The following JPH1 variants were observed in gnomAD, a reference collection of about 807,000 sequenced individuals.
The protein encoded by JPH1 is junctophilin-1.
JPH1 carries 12 observed loss-of-function variants against 53.6 expected under a neutral mutation model. That is an observed-to-expected ratio of 0.22 (90% CI 0.14 to 0.36). The LOEUF (loss-of-function observed/expected upper bound fraction) is 0.36. JPH1 is among the 10% of genes least tolerant of loss of function. The pLI, the probability that JPH1 is intolerant of heterozygous loss-of-function variation, is 1.00. For missense variants in JPH1, 808 were observed against 905.5 expected (o/e 0.89, Z 1.38); for synonymous variants, 375 against 363.8 (o/e 1.03, Z -0.35).
At chr8:74,310,420 C>T (rs1807959653) in intron 2 of JPH1, among the ~76,000 whole-genome samples, 1 of 152,088 alleles carries the variant, frequency 6.6e-6, no homozygotes, top group Non-Finnish European at 1.5e-5. Flanking sequence ...AGAGCAGAGG[C>T]CTAAAAATAA....
intron 2 of JPH1, among the ~76,000 whole-genome samples, chr8:74,260,339 A>G (rs1035120576): frequency 1.3e-5 from 2 of 152,116 alleles, no homozygotes; most frequent in Non-Finnish European, 2.9e-5. Flanking sequence ...CAGGAAAAAG[A>G]ATAGGGCTTC....
chr8:74,276,287 G>A (rs957039356), intron 2 of JPH1, among the ~76,000 whole-genome samples: 3 of 152,176 alleles, frequency 2.0e-5, no homozygotes, highest in African/African-American at 2.4e-5. Context: ...CCATAGGACC[G>A]TGCTCCACTC....
chr8:74,309,758 C>G (rs1807936030), intron 2 of JPH1, among the ~76,000 whole-genome samples: 1 of 152,066 alleles, frequency 6.6e-6, no homozygotes, highest in Non-Finnish European at 1.5e-5. Flanking sequence ...AAACTGAATG[C>G]CTAAGAAATA....
intron 2 of JPH1, among the ~76,000 whole-genome samples, chr8:74,300,921 A>C (rs1251475960): frequency 1.3e-5 from 2 of 152,196 alleles, no homozygotes; most frequent in African/African-American, 4.8e-5. Flanking sequence ...TGAATGATGG[A>C]GCCTTACTGG....
At chr8:74,253,711 A>G (rs1014556764) in intron 3 of JPH1, among the ~76,000 whole-genome samples, 9 of 152,146 alleles carry the variant, frequency 5.9e-5, no homozygotes, top group Admixed American at 2.0e-4. Flanking sequence ...CAAAGGGGAT[A>G]TTACCACTGA....
chr8:74,270,343 TAAG>T (rs1806663072), intron 2 of JPH1, among the ~76,000 whole-genome samples: 1 of 152,238 alleles, frequency 6.6e-6, no homozygotes, highest in Admixed American at 6.5e-5. Flanking sequence ...CCTGAATTCT[TAAG>T]AAGTTTTCTT....
At chr8:74,251,853 T>C (rs202159451) in intron 3 of JPH1, among the ~76,000 whole-genome samples, 1 of 152,086 alleles carries the variant, frequency 6.6e-6, no homozygotes, top group Non-Finnish European at 1.5e-5. Context: ...AAAAAGAGCC[T>C]GCATTGCCAA....
intron 2 of JPH1, among the ~76,000 whole-genome samples, chr8:74,281,805 C>A (rs181778598): frequency 6.6e-6 from 1 of 152,300 alleles, no homozygotes; most frequent in East Asian, 1.9e-4. Context: ...CCCTCCCACA[C>A]CCTGCCCTTT....
At chr8:74,267,616 C>A (rs879206497) in intron 2 of JPH1, among the ~76,000 whole-genome samples, 1 of 152,076 alleles carries the variant, frequency 6.6e-6, no homozygotes, top group African/African-American at 2.4e-5. Flanking sequence ...CCCCAGAAGC[C>A]GGACTGAAGG....
intron 2 of JPH1, among the ~76,000 whole-genome samples, chr8:74,306,237 G>A (rs1444194846): frequency 6.6e-6 from 1 of 152,156 alleles, no homozygotes; most frequent in East Asian, 1.9e-4. Context: ...CTCGCTTGGA[G>A]GTAGGGGCAG....
Position 74,239,739 on chromosome 8 carries a change from C to T in JPH1, c.1906-2436G>A, listed in dbSNP as rs145392460. Reference sequence around the variant, plus strand: ...CTTCTGATGTACAGGTTGAGCATCCCGAATACAAAATTCTAAAATGCTGCA... The same window carrying T: ...CTTCTGATGTACAGGTTGAGCATCCTGAATACAAAATTCTAAAATGCTGCA... On this transcript the variant is annotated intron_variant, in intron 4 of 5. Transcript: ENST00000342232. 4.2e-3 allele frequency among the ~76,000 whole-genome samples: 643 copies of T among 152,170 alleles called. 2 individuals carry two copies. The highest frequency in any genetic ancestry group is 0.014 in the African/African-American group (594 of 41,518).
At chr8:74,254,631 A>G (rs1456149490) in intron 3 of JPH1, among the ~76,000 whole-genome samples, 3 of 152,136 alleles carry the variant, frequency 2.0e-5, no homozygotes, top group Admixed American at 6.5e-5. Context: ...ACATGATTGT[A>G]TATCTAGAAA....
At chr8:74,245,907 G>A (rs1029097428) in intron 3 of JPH1, among the ~76,000 whole-genome samples, 41 of 126,822 alleles carry the variant, frequency 3.2e-4, no homozygotes, top group Non-Finnish European at 4.7e-4. Context: ...GACAGAGGAG[G>A]AAAAAATGAA....
chr8:74,304,249 G>A (rs1443178369), intron 2 of JPH1, among the ~76,000 whole-genome samples: 1 of 152,238 alleles, frequency 6.6e-6, no homozygotes, highest in African/African-American at 2.4e-5. Context: ...TCCATTGTAT[G>A]TAATGGATTA....
At chr8:74,255,204 C>T (rs1206982533) in intron 3 of JPH1, among the ~76,000 whole-genome samples, 1 of 152,032 alleles carries the variant, frequency 6.6e-6, no homozygotes. Context: ...GAGATATAGA[C>T]CAATGGAACA....
chr8:74,266,803 T>C lies in JPH1; in HGVS notation c.1140-7300A>G, dbSNP rs190492606. Among the ~76,000 whole-genome samples, 42 of 152,262 alleles carry C rather than the reference T, an allele frequency of 2.8e-4. No individual in the cohort carries two copies. In the Middle Eastern group the frequency reaches 0.02, roughly 74 times the overall value. Reference sequence around the variant, plus strand: ...GAAAAAACAAAGGCTGGGCTCTCCGTTGAGAAGTAGCTGCATGCAACCCAG... The same window carrying C: ...GAAAAAACAAAGGCTGGGCTCTCCGCTGAGAAGTAGCTGCATGCAACCCAG... On this transcript the variant is annotated intron_variant, in intron 2 of 5. Transcript: ENST00000342232.
chr8:74,316,254 G>A (rs1437460350), intron 1 of JPH1, among the ~76,000 whole-genome samples: 1 of 151,998 alleles, frequency 6.6e-6, no homozygotes, highest in Non-Finnish European at 1.5e-5. Flanking sequence ...AGAGAGAATC[G>A]ACAACCACAA....
At position 74,315,338 on chromosome 8, in the gene JPH1, A is replaced by C; in HGVS notation, c.662T>G (p.Met221Arg). 6.2e-7 allele frequency: 1 copy of C among 1,613,568 alleles called. No individual in the cohort carries two copies. The highest frequency in any genetic ancestry group is 8.5e-7 in the Non-Finnish European group (1 of 1,180,004). ...CTTGGATTCGGACTTGCGAAGTTTC[A>C]TGCTTCCAAGAAGGGAGCCCCTCCG... Reference protein sequence around the residue: ...LFRRGSLLGSMKLRKSESKSS... With the variant: ...LFRRGSLLGSRKLRKSESKSS... The change falls in exon 2 of 6, where the codon ATG (methionine) becomes AGG (arginine). Residue 221 changes from methionine (M) to arginine (R), a missense_variant. Coordinates refer to ENST00000342232, the MANE Select transcript of JPH1 (RefSeq NM_020647.4). The surrounding 1 kb of genome is among the most constrained non-coding windows in gnomAD (Gnocchi z 6.3).
intron 2 of JPH1, among the ~76,000 whole-genome samples, chr8:74,269,755 A>G (rs913181244): frequency 6.6e-6 from 1 of 152,214 alleles, no homozygotes; most frequent in Middle Eastern, 3.2e-3. Context: ...AACATATTCA[A>G]AGTCACACAG....
Sources: gnomAD v4.1 joint callset for allele counts (sites outside exome capture counted in the v4.1 genomes callset) on GRCh38, gnomAD v4.1.1 for gene constraint, Gnocchi (gnomAD v3.1) non-coding constraint, MANE v1.5 for transcripts, NCBI Gene and HGNC (gene_info 2026-07-23, HGNC 2026-07-21) for gene names.